The following ENKUR variants were observed in gnomAD, a reference collection of about 807,000 sequenced individuals.
ENKUR encodes enkurin, TRPC channel interacting protein.
A neutral mutation model predicts 27.6 loss-of-function variants in ENKUR; 19 were observed. That is an observed-to-expected ratio of 0.69 (90% CI 0.48 to 1.01). The LOEUF (loss-of-function observed/expected upper bound fraction) is 1.01. Among genes scored for constraint, ENKUR ranks in the 50% least tolerant of loss-of-function variants. The pLI, the probability that ENKUR is intolerant of heterozygous loss-of-function variation, is 0.00. For missense variants in ENKUR, 312 were observed against 310.5 expected (o/e 1.00, Z -0.04); for synonymous variants, 117 against 96.9 (o/e 1.21, Z -1.22).
intron 1 of ENKUR, among the ~76,000 whole-genome samples, chr10:25,000,778 T>G (rs1317771498): frequency 6.6e-6 from 1 of 152,160 alleles, no homozygotes; most frequent in African/African-American, 2.4e-5. Flanking sequence ...TTAATGTGAT[T>G]ATAAAAATTT....
intron 2 of ENKUR, among the ~76,000 whole-genome samples, chr10:25,053,508 A>G (rs1018312953): frequency 1.3e-4 from 20 of 152,074 alleles, no homozygotes; most frequent in African/African-American, 4.8e-4. Flanking sequence ...ACTGTTTTAG[A>G]TTCTGCATAT....
At chr10:25,033,927 A>G (rs189784334) in intron 2 of ENKUR, among the ~76,000 whole-genome samples, 3 of 151,886 alleles carry the variant, frequency 2.0e-5, no homozygotes, top group Non-Finnish European at 4.4e-5. Flanking sequence ...CTCTCTCTCT[A>G]TATATATGTA....
chr10:25,036,683 C>A (rs1337965885), intron 2 of ENKUR, among the ~76,000 whole-genome samples: 1 of 152,172 alleles, frequency 6.6e-6, no homozygotes, highest in African/African-American at 2.4e-5. Context: ...AACTTACCCT[C>A]TTTGAAAGGT....
chr10:25,046,850 G>C (rs562109813), intron 2 of ENKUR, among the ~76,000 whole-genome samples: 11 of 152,298 alleles, frequency 7.2e-5, no homozygotes, highest in African/African-American at 2.6e-4. Context: ...CAAGGGCTTT[G>C]TTGAATGGTG....
At chr10:25,034,719 T>C (rs1850989135) in intron 2 of ENKUR, among the ~76,000 whole-genome samples, 1 of 152,174 alleles carries the variant, frequency 6.6e-6, no homozygotes, top group Non-Finnish European at 1.5e-5. Context: ...TTCTTCTCTA[T>C]TAAAGTAATG....
At chr10:25,058,434 C>T (rs2130498761) in intron 2 of ENKUR, among the ~76,000 whole-genome samples, 1 of 152,248 alleles carries the variant, frequency 6.6e-6, no homozygotes, top group Middle Eastern at 3.4e-3. Flanking sequence ...TGTCAAATTC[C>T]TGGCCTCAAG....
At chr10:25,009,515 G>C (rs552149274) in intron 1 of ENKUR, among the ~76,000 whole-genome samples, 1 of 152,316 alleles carries the variant, frequency 6.6e-6, no homozygotes, top group East Asian at 1.9e-4. Context: ...ATAAGGTAGA[G>C]AAATATGAGT....
At position 24,999,539 on chromosome 10, in the gene ENKUR, A is replaced by G. The variant is rs962032817; in HGVS notation, c.85T>C (p.Ser29Pro). The change falls in exon 2 of 6, where the codon TCC becomes CCC. Residue 29 changes from serine to proline, a missense_variant. Transcript: ENST00000331161. ...KEPPQPPRYI[S>P]IFKATVKDDM... Reference sequence around the variant, plus strand: ...TCTTTTACAGTTGCCTTAAAAATGGATATGTACCTAAAATTGAATTTTAAA... The same window carrying G: ...TCTTTTACAGTTGCCTTAAAAATGGGTATGTACCTAAAATTGAATTTTAAA... 6.2e-7 allele frequency: 1 copy of G among 1,604,684 alleles called. No homozygotes were observed. The highest frequency in any genetic ancestry group is 1.1e-5 in the South Asian group (1 of 88,186).
At chr10:25,010,445 TTTA>T (rs1003588425) in intron 1 of ENKUR, among the ~76,000 whole-genome samples, 31 of 151,954 alleles carry the variant, frequency 2.0e-4, no homozygotes, top group South Asian at 4.2e-4. Flanking sequence ...ACTCATTTTT[TTTA>T]TTATTATTAT....
At chr10:25,023,805 G>T (rs200480020) in intron 2 of ENKUR, 1 of 1,614,186 alleles carries the variant, frequency 6.2e-7, no homozygotes, top group East Asian at 2.2e-5. Flanking sequence ...AGTATTATAA[G>T]AAGTGGTATG....
chr10:25,019,905 T>C (rs899555418), upstream of ENKUR, among the ~76,000 whole-genome samples: 11 of 152,176 alleles, frequency 7.2e-5, no homozygotes, highest in Non-Finnish European at 1.2e-4. Flanking sequence ...AAATTTTAAA[T>C]GAACCATGTG....
At chr10:25,036,317 G>A (rs1436434635) in intron 2 of ENKUR, among the ~76,000 whole-genome samples, 1 of 152,120 alleles carries the variant, frequency 6.6e-6, no homozygotes, top group Non-Finnish European at 1.5e-5. Context: ...TCTCTCATCT[G>A]CTGTCATGTA....
intron 2 of ENKUR, among the ~76,000 whole-genome samples, chr10:24,997,807 T>TTATA (rs58973955): frequency 0.02 from 2,959 of 144,926 alleles, 141 homozygotes; most frequent in African/African-American, 0.072. Context: ...CACAAAGGAT[T>TTATA]TATATATATA....
At chr10:25,017,133 A>G (rs1027063619), upstream of ENKUR, among the ~76,000 whole-genome samples, 1 of 152,188 alleles carries the variant, frequency 6.6e-6, no homozygotes. Flanking sequence ...GAACCAGTGG[A>G]CCTGCTCTTT....
At position 24,984,235 on chromosome 10, in the gene ENKUR, C is replaced by G; in HGVS notation, c.*135G>C. ...TGGGAATAACTGCAAATGTCATGGGCCACAGGAAAATACATCTTTTGCATT... is the reference window on the plus strand; with the variant it reads ...TGGGAATAACTGCAAATGTCATGGGGCACAGGAAAATACATCTTTTGCATT... On this transcript the variant is annotated 3_prime_UTR_variant, in exon 6 of 6. Coordinates refer to ENST00000331161, the MANE Select transcript of ENKUR (RefSeq NM_145010.4). 2.1e-6 allele frequency: 2 copies of G among 971,458 alleles called. No individual in the cohort carries two copies. Among genetic ancestry groups the G allele is most frequent in the Non-Finnish European group, 3.0e-6 (2 of 662,350 alleles). 60.2% of individuals were successfully genotyped at this position (971,458 alleles called of 1,614,324 possible).
Position 25,002,161 on chromosome 10 carries a change from C to T in ENKUR, c.78-2615G>A, listed in dbSNP as rs767127660. On this transcript the variant is annotated intron_variant, in intron 1 of 5. Coordinates refer to ENST00000331161, the MANE Select transcript of ENKUR (RefSeq NM_145010.4). Reference sequence around the variant, plus strand: ...ATACTTCTGAGTGCACTACTCAATGCCCTGTGTATTAGGAGGTGTCTCCAC... The same window carrying T: ...ATACTTCTGAGTGCACTACTCAATGTCCTGTGTATTAGGAGGTGTCTCCAC... Among the ~76,000 whole-genome samples the T allele has an allele frequency of 7.6e-4, 116 of 152,168 alleles. 1 individual carries two copies. Among genetic ancestry groups the T allele is most frequent in the Non-Finnish European group, 1.2e-3 (80 of 68,040 alleles).
At chr10:24,985,576 C>G (rs554746685) in intron 4 of ENKUR, among the ~76,000 whole-genome samples, 13 of 152,050 alleles carry the variant, frequency 8.5e-5, no homozygotes, top group Admixed American at 6.5e-4. Flanking sequence ...ATGTAGCTAA[C>G]AGTTTCTATT....
chr10:25,038,871 T>C (rs1426477319), intron 2 of ENKUR, among the ~76,000 whole-genome samples: 10 of 152,224 alleles, frequency 6.6e-5, no homozygotes, highest in Admixed American at 4.6e-4. Flanking sequence ...AAGTTGCTTA[T>C]TTAGGACTTG....
rs747502001 is a variant in ENKUR at position 25,015,950 on chromosome 10, C to A, written c.-14G>T. On this transcript the variant is annotated 5_prime_UTR_variant, in exon 1 of 6. Coordinates refer to ENST00000331161, the MANE Select transcript of ENKUR (RefSeq NM_145010.4). ...CGTTGGATCCATGGCCACCAAATGA[C>A]TCCTTAAAAGCTACTCTCCACAACT... The A allele has an allele frequency of 6.2e-7, 1 of 1,603,782 alleles. No individual in the cohort carries two copies. The highest frequency in any genetic ancestry group is 1.3e-5 in the African/African-American group (1 of 74,672).
Sources: gnomAD v4.1 joint callset for allele counts (sites outside exome capture counted in the v4.1 genomes callset) on GRCh38, gnomAD v4.1.1 for gene constraint, MANE v1.5 for transcripts, NCBI Gene and HGNC (gene_info 2026-07-23, HGNC 2026-07-21) for gene names.